The following ASTN2 variants were observed in gnomAD, a reference collection of about 807,000 sequenced individuals.
ASTN2 encodes astrotactin-2.
Under a neutral mutation model 139.8 loss-of-function variants are expected in ASTN2, and 54 were observed. That is an observed-to-expected ratio of 0.39 (90% confidence interval 0.31 to 0.48). The LOEUF (loss-of-function observed/expected upper bound fraction) is 0.48, where lower values mean the gene tolerates loss of function less well. ASTN2 is among the 20% of genes least tolerant of loss of function. The pLI, the probability that ASTN2 is intolerant of heterozygous loss-of-function variation, is 0.95. For synonymous variants in ASTN2, 756 were observed against 719.5 expected, an observed-to-expected ratio of 1.05 and a Z score of -0.81; for missense variants, 1,565 against 1,725.1, an observed-to-expected ratio of 0.91 and a Z score of 1.64.
chr9:116,867,629 A>T (rs1398632656), intron 10 of ASTN2, among the ~76,000 whole-genome samples: 1 of 151,754 alleles, frequency 6.6e-6, no homozygotes, highest in Non-Finnish European at 1.5e-5. Context: ...AGAAACAAGG[A>T]AAGGGAAGTG....
chr9:116,562,733 T>TTA (rs1852979565), intron 19 of ASTN2, among the ~76,000 whole-genome samples: 1 of 64,466 alleles, frequency 1.6e-5, no homozygotes, highest in African/African-American at 6.4e-5. Flanking sequence ...ACTGCCTCAT[T>TTA]AAAAAAAAAA....
intron 19 of ASTN2, chr9:116,583,661 A>C (rs1854037857): frequency 6.6e-6 from 1 of 152,186 alleles, no homozygotes; most frequent in African/African-American, 2.4e-5. Context: ...GAAAGTTGAT[A>C]GCTTAATTGA....
intron 13 of ASTN2, among the ~76,000 whole-genome samples, chr9:116,791,607 T>A (rs1830561137): frequency 6.6e-6 from 1 of 152,228 alleles, no homozygotes; most frequent in Admixed American, 6.5e-5. Context: ...GAACAAACAA[T>A]CACTGTGCTA....
intron 1 of ASTN2, among the ~76,000 whole-genome samples, chr9:117,308,495 A>C (rs1835059828): frequency 6.6e-6 from 1 of 152,150 alleles, no homozygotes; most frequent in Non-Finnish European, 1.5e-5. Context: ...ACTCAGGAGA[A>C]TCTGGAAGGA....
chr9:116,778,392 A>G (rs552475733), intron 13 of ASTN2, among the ~76,000 whole-genome samples: 633 of 26,536 alleles, frequency 0.024, 4 homozygotes, highest in Non-Finnish European at 0.046. Flanking sequence ...CAATTAGGGG[A>G]TTTTTATTTA....
Position 116,530,094 on chromosome 9 carries a change from GATATATAT to G in ASTN2, c.3356-42602_3356-42595del, listed in dbSNP as rs3984942. Among the ~76,000 whole-genome samples the G allele has an allele frequency of 8.2e-3, 418 of 50,760 alleles. 3 individuals are homozygous for G. Among genetic ancestry groups the G allele is most frequent in the Middle Eastern group, 0.011 (1 of 88 alleles). 33.3% of individuals were successfully genotyped at this position (50,760 alleles called of 152,430 possible). ...ATCAGTGGATGAATGGATAAAGTGT[GATATATAT>G]ATATATATATATATATATATATATA... On this transcript the variant is annotated intron_variant, in intron 19 of 22. Transcript: ENST00000313400.
At chr9:117,017,144 AAAG>A (rs1351671781) in intron 6 of ASTN2, among the ~76,000 whole-genome samples, 5 of 152,134 alleles carry the variant, frequency 3.3e-5, no homozygotes, top group Non-Finnish European at 5.9e-5. Flanking sequence ...GGCAATGGGA[AAAG>A]AATAAAGTCA....
intron 4 of ASTN2, among the ~76,000 whole-genome samples, chr9:117,129,711 C>A (rs1465368516): frequency 6.6e-6 from 1 of 152,046 alleles, no homozygotes; most frequent in Non-Finnish European, 1.5e-5. Context: ...TCAGTTTTTT[C>A]ATTTAAGCAT....
intron 16 of ASTN2, among the ~76,000 whole-genome samples, chr9:116,706,194 T>C (rs1158486066): frequency 6.6e-6 from 1 of 152,172 alleles, no homozygotes; most frequent in Middle Eastern, 3.2e-3. Flanking sequence ...GTCTCAGAAA[T>C]ACATTTTCTG....
chr9:117,117,880 G>A (rs1346364448), intron 4 of ASTN2, among the ~76,000 whole-genome samples: 3 of 151,972 alleles, frequency 2.0e-5, no homozygotes, highest in Admixed American at 6.6e-5. Flanking sequence ...GGTGAACTTC[G>A]CAGGCTCTGG....
chr9:117,069,344 T>A (rs1295089221), intron 5 of ASTN2, among the ~76,000 whole-genome samples: 1 of 111,330 alleles, frequency 9.0e-6, no homozygotes, highest in Non-Finnish European at 1.8e-5. Context: ...AATCCTGAGT[T>A]CTAGTTTGAT....
rs191201451 is a variant in ASTN2, at chr9:116,847,728, A to T, written c.2040+15855T>A. 6.1e-3 allele frequency among the ~76,000 whole-genome samples: 924 copies of T among 152,372 alleles called. 8 individuals are homozygous for T. The highest frequency in any genetic ancestry group is 0.021 in the African/African-American group (866 of 41,590). On this transcript the variant is annotated intron_variant, in intron 11 of 22. Transcript: ENST00000313400. Reference sequence around the variant, plus strand: ...CAGCTTTAGGAACTTGTCCCAAGGAAACAAGGCAAGTGAGTGGCACAGCCA... The same window carrying T: ...CAGCTTTAGGAACTTGTCCCAAGGATACAAGGCAAGTGAGTGGCACAGCCA...
chr9:117,225,208 C>G (rs1340751628), intron 2 of ASTN2, among the ~76,000 whole-genome samples: 1 of 151,910 alleles, frequency 6.6e-6, no homozygotes, highest in African/African-American at 2.4e-5. Flanking sequence ...CAAAATACAC[C>G]TACATCTGTC....
At chr9:117,400,136 C>T (rs1215139349) in intron 1 of ASTN2, among the ~76,000 whole-genome samples, 1 of 152,190 alleles carries the variant, frequency 6.6e-6, no homozygotes, top group Non-Finnish European at 1.5e-5. Context: ...AGAGACTTGG[C>T]TCTTACAATA....
chr9:116,812,215 A>G (rs1831184515), intron 12 of ASTN2, among the ~76,000 whole-genome samples: 1 of 152,138 alleles, frequency 6.6e-6, no homozygotes, highest in African/African-American at 2.4e-5. Context: ...GCCTCCTCAA[A>G]ATGCCCACAT....
chr9:117,259,165 A>C (rs758261358), intron 2 of ASTN2, among the ~76,000 whole-genome samples: 3 of 152,124 alleles, frequency 2.0e-5, no homozygotes, highest in Non-Finnish European at 4.4e-5. Flanking sequence ...TGCTCCCCTT[A>C]GCTCCTGGGG....
chr9:116,730,896 T>C (rs571723612), intron 14 of ASTN2, among the ~76,000 whole-genome samples: 1 of 152,328 alleles, frequency 6.6e-6, no homozygotes, highest in African/African-American at 2.4e-5. Context: ...GATTCATGCC[T>C]GAAATAAAAG....
chr9:116,593,572 G>C (rs10817904), intron 19 of ASTN2, among the ~76,000 whole-genome samples: 12,292 of 152,258 alleles, frequency 0.081, 523 homozygotes, highest in East Asian at 0.14. Flanking sequence ...AACCACCTGT[G>C]ATAGTTCACC....
At chr9:116,903,046 C>A (rs753589770) in intron 10 of ASTN2, among the ~76,000 whole-genome samples, 2 of 152,276 alleles carry the variant, frequency 1.3e-5, no homozygotes, top group Non-Finnish European at 2.9e-5. Flanking sequence ...TGCTGTTGTT[C>A]TCTTTGGAAT....
Sources: allele counts gnomAD v4.1 joint callset (sites outside exome capture counted in the v4.1 genomes callset), GRCh38; gene constraint gnomAD v4.1.1; transcripts MANE v1.5; gene names NCBI Gene and HGNC (gene_info 2026-07-23, HGNC 2026-07-21).